Variants in BTLA observed in about 807,000 individuals in gnomAD.
BTLA encodes B- and T-lymphocyte attenuator.
Under a neutral mutation model 25.0 loss-of-function variants are expected in BTLA, and 11 were observed. The observed-to-expected ratio is 0.44, with a 90% confidence interval of 0.28 to 0.73. The LOEUF (loss-of-function observed/expected upper bound fraction) is 0.73. BTLA is among the 30% of genes least tolerant of loss of function. The probability of loss-of-function intolerance (pLI) is 0.15; values close to 1 mark genes in which losing one functional copy is unlikely to be tolerated. For synonymous variants in BTLA, 104 were observed against 119.8 expected, an observed-to-expected ratio of 0.87 and a Z score of 0.86; for missense variants, 282 against 332.8, an observed-to-expected ratio of 0.85 and a Z score of 1.19.
At position 112,466,324 on chromosome 3, in the gene BTLA, T is replaced by C; in HGVS notation, c.654A>G (p.Val218=). The change falls in exon 5 of 5, where the codon GTA becomes GTG. Residue 218 remains valine, a synonymous_variant. Transcript: ENST00000334529. The stretch of plus-strand genomic sequence containing the variant: ...CATAAATTCCAGTTTCTGATAGCAG[T>C]ACTTGGGAATTTTGCCTGGTGCTTG... The part of the protein sequence containing the change: ...TEASTRQNSQ[V]LLSETGIYDN... 1.2e-6 allele frequency: 2 copies of C among 1,613,686 alleles called. No individual in the cohort carries two copies. Among genetic ancestry groups the C allele is most frequent in the Non-Finnish European group, 1.7e-6 (2 of 1,179,762 alleles).
At chr3:112,482,176 C>T (rs2107323657) in intron 1 of BTLA, among the ~76,000 whole-genome samples, 1 of 152,268 alleles carries the variant, frequency 6.6e-6, no homozygotes, top group South Asian at 2.1e-4. Context: ...TCTTACAGTT[C>T]TTTCTTAGCC....
At chr3:112,468,790 C>T (rs1179170756) in intron 4 of BTLA, among the ~76,000 whole-genome samples, 1 of 152,190 alleles carries the variant, frequency 6.6e-6, no homozygotes, top group Non-Finnish European at 1.5e-5. Flanking sequence ...TAGCACCCTA[C>T]ACAGTGCCTA....
At chr3:112,486,160 C>G (rs183899722) in intron 1 of BTLA, among the ~76,000 whole-genome samples, 27 of 152,190 alleles carry the variant, frequency 1.8e-4, no homozygotes, top group Admixed American at 1.5e-3. Context: ...TCTACTCCCC[C>G]CCAGGCTCTT....
At chr3:112,475,228 T>C (rs1471713963) in intron 2 of BTLA, among the ~76,000 whole-genome samples, 1 of 152,132 alleles carries the variant, frequency 6.6e-6, no homozygotes, top group African/African-American at 2.4e-5. Context: ...AGAGCATTAA[T>C]TAACAAACTG....
chr3:112,474,503 GAA>G (rs35696747), intron 2 of BTLA, among the ~76,000 whole-genome samples: 1 of 127,052 alleles, frequency 7.9e-6, no homozygotes, highest in Admixed American at 7.8e-5. Flanking sequence ...GAAGTTAAAA[GAA>G]AAAAAAAAAA....
Position 112,466,193 on chromosome 3 carries a change from T to C in BTLA, c.785A>G (p.His262Arg). The change falls in exon 5 of 5, where the codon CAT becomes CGT. Residue 262 changes from histidine (H) to arginine (R), a missense_variant. His to Arg is a conservative substitution (Grantham distance 29). Coordinates refer to ENST00000334529, the MANE Select transcript of BTLA (RefSeq NM_181780.4). ...KPGIVYASLN[H>R]SVIGPNSRLA... ...TCTTGAGTTCGGTCCAATGACAGAA[T>C]GGTTCAGGGAAGCATAAACAATGCC... 2 of 1,613,792 alleles carry C rather than the reference T, an allele frequency of 1.2e-6. No individual in the cohort carries two copies. Among genetic ancestry groups the C allele is most frequent in the Non-Finnish European group, 1.7e-6 (2 of 1,179,778 alleles).
Position 112,492,199 on chromosome 3 carries a change from T to C in BTLA, c.88+7072A>G, listed in dbSNP as rs1033960879. Among the ~76,000 whole-genome samples the C allele has an allele frequency of 2.0e-5, 3 of 152,234 alleles. No homozygotes were observed. The South Asian group carries it at 6.2e-4, about 32-fold the overall frequency. ...CCCTGTCTACTCTGTGTAACAAGGA[T>C]GAGTTTCTGGTGGTTTTAGTTGGTC... On this transcript the variant is annotated intron_variant, in intron 1 of 4. Coordinates refer to ENST00000334529, the MANE Select transcript of BTLA (RefSeq NM_181780.4).
At chr3:112,468,905 T>C (rs74941317) in intron 4 of BTLA, among the ~76,000 whole-genome samples, 3,310 of 152,240 alleles carry the variant, frequency 0.022, 91 homozygotes, top group East Asian at 0.072. Context: ...TTTAATATTA[T>C]ATATAGAATT....
At chr3:112,466,666 A>C (rs1015911926) in intron 4 of BTLA, among the ~76,000 whole-genome samples, 2 of 152,212 alleles carry the variant, frequency 1.3e-5, no homozygotes, top group African/African-American at 4.8e-5. Context: ...CTTCAAGATA[A>C]AAAGCATAGC....
chr3:112,469,949 T>C (rs2082253387), intron 3 of BTLA, 145 bp from the exon 4 acceptor site: 2 of 615,304 alleles, frequency 3.3e-6, no homozygotes, highest in Non-Finnish European at 5.8e-6. Context: ...AGCACACACT[T>C]GTTTGTGATA....
chr3:112,497,785 A>T (rs1434550425), intron 1 of BTLA, among the ~76,000 whole-genome samples: 1 of 152,206 alleles, frequency 6.6e-6, no homozygotes, highest in Non-Finnish European at 1.5e-5. Flanking sequence ...AAAATTATAG[A>T]TAGACTTTCC....
intron 1 of BTLA, among the ~76,000 whole-genome samples, chr3:112,483,140 C>CT (rs35513528): frequency 0.16 from 8,380 of 51,652 alleles, 1,191 homozygotes; most frequent in African/African-American, 0.33. Context: ...GGGCACCTTT[C>CT]TTTTTTTTTT....
At chr3:112,499,173 G>A (rs1396852885) in intron 1 of BTLA, 98 bp downstream of exon 1, 5 of 843,862 alleles carry the variant, frequency 5.9e-6, no homozygotes, top group African/African-American at 5.1e-5. Flanking sequence ...TACCCACTTC[G>A]TATAAACGTT....
At chr3:112,473,139 T>C (rs1050125787) in intron 2 of BTLA, among the ~76,000 whole-genome samples, 2 of 151,622 alleles carry the variant, frequency 1.3e-5, no homozygotes, top group Admixed American at 1.3e-4. Context: ...TTGAGTTTGT[T>C]CTGAAATAGA....
Position 112,479,580 on chromosome 3 carries a change from T to C in BTLA, c.278A>G (p.Lys93Arg). ...ATGTAGAATGAAAAATGAAATGTTCTTCTCTTCCTTCCAACTTGTTTGTCT... is the reference window on the plus strand; with the variant it reads ...ATGTAGAATGAAAAATGAAATGTTCCTCTCTTCCTTCCAACTTGTTTGTCT... ...EDRQTSWKEE[K>R]NISFFILHFE... The change falls in exon 2 of 5, where the codon AAG (lysine) becomes AGG (arginine). Residue 93 changes from lysine to arginine, a missense_variant. Coordinates refer to ENST00000334529, the MANE Select transcript of BTLA (RefSeq NM_181780.4). The C allele has an allele frequency of 6.2e-7, 1 of 1,614,140 alleles. No individual in the cohort carries two copies. The highest frequency in any genetic ancestry group is 1.6e-4 in the Middle Eastern group (1 of 6,062).
At chr3:112,495,085 T>C (rs2082402129) in intron 1 of BTLA, among the ~76,000 whole-genome samples, 1 of 152,224 alleles carries the variant, frequency 6.6e-6, no homozygotes, top group Admixed American at 6.5e-5. Context: ...CCATGCACTA[T>C]TCTAAGTGTT....
intron 1 of BTLA, among the ~76,000 whole-genome samples, chr3:112,497,059 A>G (rs1559831878): frequency 2.0e-5 from 3 of 152,200 alleles, no homozygotes; most frequent in African/African-American, 7.2e-5. Flanking sequence ...TTGATTCACT[A>G]TATTTTGGGC....
intron 1 of BTLA, 52 bp from the exon 2 acceptor site, chr3:112,479,821 T>C: frequency 7.1e-7 from 1 of 1,400,720 alleles, no homozygotes; most frequent in East Asian, 2.3e-5. Flanking sequence ...GGAAGTACCA[T>C]ATATATGTGA....
Position 112,465,663 on chromosome 3 carries a change from T to A in BTLA, c.*445A>T, listed in dbSNP as rs1039134216. The A allele has an allele frequency of 6.5e-6, 1 of 153,298 alleles. No homozygotes were observed. The highest frequency in any genetic ancestry group is 2.4e-5 in the African/African-American group (1 of 41,506). 9.5% of individuals were successfully genotyped at this position (153,298 alleles called of 1,614,324 possible). A position where few individuals can be genotyped will look rare whatever the true frequency, so the allele number is the denominator to read the frequency against. ...AAATTTCTTATTTTGGAAGACTGAC[T>A]TGAAATATACAATCATTACTGTATT... is the stretch of plus-strand genomic sequence containing the variant. On this transcript the variant is annotated 3_prime_UTR_variant, in exon 5 of 5. Transcript: ENST00000334529.
Sources: gnomAD v4.1 joint callset for allele counts (sites outside exome capture counted in the v4.1 genomes callset) on GRCh38, gnomAD v4.1.1 for gene constraint, MANE v1.5 for transcripts, NCBI Gene and HGNC (gene_info 2026-07-23, HGNC 2026-07-21) for gene names.